HNF1A: variants seen among roughly 807,000 people sequenced by gnomAD.
The protein encoded by HNF1A is HNF1 homeobox A.
Under a neutral mutation model 62.2 loss-of-function variants are expected in HNF1A, and 21 were observed. The ratio of observed to expected loss-of-function variants is 0.34; its 90% CI spans 0.24 to 0.49. HNF1A has a LOEUF of 0.49. HNF1A is among the 20% of genes least tolerant of loss of function. The pLI, the probability that HNF1A is intolerant of heterozygous loss-of-function variation, is 0.99. For synonymous variants in HNF1A, 374 were observed against 366.8 expected (o/e 1.02, Z -0.22); for missense variants, 687 against 832.3 (o/e 0.83, Z 2.15).
intron 4 of HNF1A, among the ~76,000 whole-genome samples, 170 bp downstream of exon 4, chr12:120,994,575 T>G (rs1876995398): frequency 6.6e-6 from 1 of 151,976 alleles, no homozygotes; most frequent in African/African-American, 2.4e-5. Flanking sequence ...TTCCACTCTA[T>G]CTCATTCCAT....
Position 121,001,864 on chromosome 12 carries a change from G to C in HNF1A, c.*672G>C, listed in dbSNP as rs1057365818. 3.8e-6 allele frequency: 2 copies of C among 521,152 alleles called. No individual in the cohort carries two copies. Among genetic ancestry groups the C allele is most frequent in the Non-Finnish European group, 7.4e-6 (2 of 268,614 alleles). 32.3% of individuals were successfully genotyped at this position (521,152 alleles called of 1,614,324 possible). A position where few individuals can be genotyped will look rare whatever the true frequency, so the allele number is the denominator to read the frequency against. ...GCTCTCCTGGCTTCCCATCCCCAGC[G>C]ATTCCCTCTCCCAGGCCCCATGACC... On this transcript the variant is annotated 3_prime_UTR_variant, in exon 10 of 10. Coordinates refer to ENST00000257555, the MANE Select transcript of HNF1A (RefSeq NM_000545.8).
At chr12:120,986,248 C>A (rs1876504760) in intron 1 of HNF1A, among the ~76,000 whole-genome samples, 1 of 152,202 alleles carries the variant, frequency 6.6e-6, no homozygotes, top group African/African-American at 2.4e-5. Context: ...CAGATAAACT[C>A]TGCTCCACCT....
Position 120,994,360 on chromosome 12 carries a change from T to A in HNF1A, c.910T>A (p.Ser304Thr), listed in dbSNP as rs759033054. 1 of 1,597,346 alleles carries A rather than the reference T, an allele frequency of 6.3e-7. No individual in the cohort carries two copies. The highest frequency in any genetic ancestry group is 8.5e-7 in the Non-Finnish European group (1 of 1,172,264). ...GPGPALPAHS[S>T]PGLPPPALSP... ...GGGACCTGCGCTGCCCGCTCACAGC[T>A]CCCCTGGCCTGCCTCCACCTGCCCT... Residue 304 changes from serine to threonine, a missense_variant, in exon 4 of 10, where the codon TCC becomes ACC. Around this residue, in one of 5 missense-constraint regions of HNF1A, gnomAD observed 408 missense variants for 455.3 expected, o/e 0.90. Transcript: ENST00000257555.
At chr12:120,998,150 C>T (rs1565887442) in intron 7 of HNF1A, 3 of 288,090 alleles carry the variant, frequency 1.0e-5, no homozygotes, top group South Asian at 3.8e-5. Flanking sequence ...CGTGGAGGCA[C>T]GTGCCTGTAG....
chr12:120,982,337 T>C (rs1184478209), intron 1 of HNF1A, among the ~76,000 whole-genome samples: 2 of 152,158 alleles, frequency 1.3e-5, no homozygotes, highest in African/African-American at 4.8e-5. Flanking sequence ...CCCAAAGTGC[T>C]GGGATTACAG....
At chr12:120,997,123 A>T in intron 6 of HNF1A, 1 of 1,398,184 alleles carries the variant, frequency 7.2e-7, no homozygotes, top group Non-Finnish European at 9.3e-7. Flanking sequence ...CCCAGTACAT[A>T]AGATAGATAA....
intron 2 of HNF1A, among the ~76,000 whole-genome samples, chr12:120,990,756 T>TA (rs760441010): frequency 2.8e-4 from 42 of 150,662 alleles, no homozygotes; most frequent in Middle Eastern, 3.4e-3. Flanking sequence ...CACATTTGGT[T>TA]AAAAAAAAAG....
intron 1 of HNF1A, among the ~76,000 whole-genome samples, chr12:120,987,445 A>G (rs1170896026): frequency 2.8e-5 from 4 of 144,370 alleles, no homozygotes; most frequent in Non-Finnish European, 4.5e-5. Context: ...ACTGCACTCG[A>G]GCCTGGGTGA....
At chr12:120,990,372 G>A (rs1170458641) in intron 2 of HNF1A, among the ~76,000 whole-genome samples, 25 of 152,022 alleles carry the variant, frequency 1.6e-4, no homozygotes, top group Non-Finnish European at 2.9e-5. Context: ...CTCGTGATCC[G>A]CCCGCCTTGG....
rs1876974758 is a variant in HNF1A at position 120,994,290 on chromosome 12, G to A, written c.840G>A (p.Lys280=). ...NRRKEEAFRH[K]LAMDTYSGPP... is the part of the protein sequence containing the mutation. The stretch of plus-strand genomic sequence containing the variant: ...GCAAAGAAGAAGCCTTCCGGCACAA[G>A]CTGGCCATGGACACGTACAGCGGGC... Residue 280 remains lysine, a synonymous_variant, in exon 4 of 10, where the codon AAG becomes AAA. Coordinates refer to ENST00000257555, the MANE Select transcript of HNF1A (RefSeq NM_000545.8). The A allele has an allele frequency of 1.2e-6, 2 of 1,613,112 alleles. No individual in the cohort carries two copies. Among genetic ancestry groups the A allele is most frequent in the South Asian group, 1.1e-5 (1 of 90,898 alleles).
rs193922579 is a variant in HNF1A, at chr12:120,997,462, C to T, written c.1310-12C>T. ...TGGGGGGCCCAGCTGATTCCCTCCCCTTCCACTCCAGGCCTGGCCTCCACG... is the reference window on the plus strand; with the variant it reads ...TGGGGGGCCCAGCTGATTCCCTCCCTTTCCACTCCAGGCCTGGCCTCCACG... On this transcript the variant is annotated splice_polypyrimidine_tract_variant and intron_variant, in intron 6 of 9. Coordinates refer to ENST00000257555, the MANE Select transcript of HNF1A (RefSeq NM_000545.8). 2,299 of 1,597,718 alleles carry T rather than the reference C, an allele frequency of 1.4e-3. 52 individuals carry two copies. In the South Asian group the frequency reaches 0.024, roughly 17 times the overall value.
intron 1 of HNF1A, 70 bp from the exon 2 acceptor site, chr12:120,988,763 C>A: frequency 6.9e-7 from 1 of 1,455,564 alleles, no homozygotes; most frequent in Non-Finnish European, 9.5e-7. Context: ...TTCCAGCACC[C>A]AGGACCGCAG....
chr12:120,978,866 C>T lies in HNF1A; in HGVS notation c.98C>T (p.Pro33Leu), dbSNP rs1001854457. The change falls in exon 1 of 10, where the codon CCG becomes CTG. Residue 33 changes from proline to leucine, a missense_variant. By Grantham distance (98) the Pro-to-Leu change is moderately conservative (BLOSUM62 -3). This residue lies in a region of HNF1A where 159 missense variants were observed against 154.4 expected (regional missense o/e 1.03). Transcript: ENST00000257555. The stretch of plus-strand genomic sequence containing the variant: ...GCACTGATCCAGGCACTGGGTGAGC[C>T]GGGGCCCTACCTCCTGGCTGGAGAA... ...KEALIQALGE[P>L]GPYLLAGEGP... 3 of 1,613,362 alleles carry T rather than the reference C, an allele frequency of 1.9e-6. No homozygotes were observed. Among genetic ancestry groups the T allele is most frequent in the Non-Finnish European group, 2.5e-6 (3 of 1,179,816 alleles).
intron 2 of HNF1A, among the ~76,000 whole-genome samples, chr12:120,990,634 ATAGGAAAGGGAGGAAAGG>A (rs1206278793): frequency 0.1 from 11,576 of 110,332 alleles, 689 homozygotes; most frequent in African/African-American, 0.21. Context: ...GGGAGGAAAG[ATAGGAAAGGGAGGAAAGG>A]TAGGAAAGGG....
chr12:120,978,683 C>A lies in HNF1A; in HGVS notation c.-86C>A, dbSNP rs1173962243. 7.6e-7 allele frequency: 1 copy of A among 1,310,034 alleles called. No individual in the cohort carries two copies. The highest frequency in any genetic ancestry group is 1.1e-6 in the Non-Finnish European group (1 of 911,302). The allele number at this position is 1,310,034 out of a possible 1,614,324, so 81.2% of individuals were successfully genotyped here. A position where few individuals can be genotyped will look rare whatever the true frequency, so the allele number is the denominator to read the frequency against. Reference sequence around the variant, plus strand: ...TGCAAGGAGTTTGGTTTGTGTCTGCCGGCCGGCAGGCAAACGCAACCCACG... The same window carrying A: ...TGCAAGGAGTTTGGTTTGTGTCTGCAGGCCGGCAGGCAAACGCAACCCACG... On this transcript the variant is annotated 5_prime_UTR_variant, in exon 1 of 10. Coordinates refer to ENST00000257555, the MANE Select transcript of HNF1A (RefSeq NM_000545.8).
rs528812056 is a variant in HNF1A at position 120,998,682 on chromosome 12, A to G, written c.1502-586A>G. Among the ~76,000 whole-genome samples, 20 of 151,982 alleles carry G rather than the reference A, an allele frequency of 1.3e-4. No individual in the cohort carries two copies. The South Asian group carries it at 2.9e-3, about 22-fold the overall frequency. ...TGTCTGTGTGTCTCTTGTAGGGTCT[A>G]TGTGTCTCCTGAGGGGTGGGTGGAG... On this transcript the variant is annotated intron_variant, in intron 7 of 9. Transcript: ENST00000257555.
At chr12:120,993,050 G>T (rs532928022) in intron 2 of HNF1A, among the ~76,000 whole-genome samples, 1 of 152,270 alleles carries the variant, frequency 6.6e-6, no homozygotes, top group South Asian at 2.1e-4. Context: ...GCTAACATTT[G>T]CATTTTAAGC....
At chr12:120,997,819 T>C in intron 7 of HNF1A, 154 bp downstream of exon 7, 1 of 824,064 alleles carries the variant, frequency 1.2e-6, no homozygotes, top group Non-Finnish European at 2.1e-6. Flanking sequence ...GGCCAGTGTG[T>C]TCCCATGTGA....
In HNF1A at chr12:120,996,769, C is replaced by T; in HGVS notation, c.1309+27C>T. 6.2e-7 allele frequency: 1 copy of T among 1,611,842 alleles called. No individual in the cohort carries two copies. Among genetic ancestry groups the T allele is most frequent in the Non-Finnish European group, 8.5e-7 (1 of 1,179,076 alleles). On this transcript the variant is annotated intron_variant, in intron 6 of 9. Coordinates refer to ENST00000257555, the MANE Select transcript of HNF1A (RefSeq NM_000545.8). The surrounding 1 kb of genome is among the most constrained non-coding windows in gnomAD (Gnocchi z 4.5). ...TAAGCTGGTGGGGATGGGTGGGCAC[C>T]TGGGTGGGAGGCTCATGGGGCAACC...
Sources: allele counts gnomAD v4.1 joint callset (sites outside exome capture counted in the v4.1 genomes callset), GRCh38; gene constraint gnomAD v4.1.1; regional missense constraint gnomAD v4.1.1; non-coding constraint Gnocchi (gnomAD v3.1); transcripts MANE v1.5; gene names NCBI Gene and HGNC (gene_info 2026-07-23, HGNC 2026-07-21).